Variants in EPO observed in about 807,000 individuals in gnomAD.
EPO encodes erythropoietin, also known as epoetin.
EPO carries 12 observed loss-of-function variants against 24.4 expected under a neutral mutation model. The ratio of observed to expected loss-of-function variants is 0.49; its 90% CI spans 0.32 to 0.80. The LOEUF (loss-of-function observed/expected upper bound fraction) is 0.80. EPO is among the 30% of genes least tolerant of loss of function. The pLI is 0.04. For missense variants in EPO, 210 were observed against 238.0 expected (o/e 0.88, Z 0.77); for synonymous variants, 107 against 104.0 (o/e 1.03, Z -0.18).
rs1045681510 is a variant in EPO at position 100,721,871 on chromosome 7, G to C, written c.160-91G>C. 8 of 1,532,726 alleles carry C rather than the reference G, an allele frequency of 5.2e-6. No homozygotes were observed. In the Admixed American group the frequency reaches 8.4e-5, roughly 16 times the overall value. The allele number at this position is 1,532,726 out of a possible 1,614,324, so 94.9% of individuals were successfully genotyped here. ...GGCCCCAAACCATACCTGGAAACTA[G>C]GCAAGGAGCAAAGCCAGCAGATCCT... is the stretch of plus-strand genomic sequence containing the variant. On this transcript the variant is annotated intron_variant, in intron 2 of 4. Transcript: ENST00000252723. This position sits in a 1 kb window ranked among gnomAD's most constrained non-coding sequence, Gnocchi z 4.0.
Position 100,721,902 on chromosome 7 carries a change from C to T in EPO, c.160-60C>T. 1 of 1,567,906 alleles carries T rather than the reference C, an allele frequency of 6.4e-7. No homozygotes were observed. Among genetic ancestry groups the T allele is most frequent in the Non-Finnish European group, 8.6e-7 (1 of 1,158,942 alleles). ...GAGCAAAGCCAGCAGATCCTACGGCCTGTGGGCCAGGGCCAGAGCCTTCAG... is the reference window on the plus strand; with the variant it reads ...GAGCAAAGCCAGCAGATCCTACGGCTTGTGGGCCAGGGCCAGAGCCTTCAG... On this transcript the variant is annotated intron_variant, in intron 2 of 4. Transcript: ENST00000252723. This position sits in a 1 kb window ranked among gnomAD's most constrained non-coding sequence, Gnocchi z 4.0.
rs1419397684 is a variant in EPO, at chr7:100,721,577, G to A, written c.33G>A (p.Trp11Ter). The change falls in exon 2 of 5, where the codon TGG becomes TGA. Residue 11 changes from tryptophan (W) to a stop codon, truncating the protein, a stop_gained. Coordinates refer to ENST00000252723, the MANE Select transcript of EPO (RefSeq NM_000799.4). LOFTEE classifies it high-confidence loss of function. The surrounding 1 kb of genome is among the most constrained non-coding windows in gnomAD (Gnocchi z 4.0). ...TTCTAGAATGTCCTGCCTGGCTGTGGCTTCTCCTGTCCCTGCTGTCGCTCC... is the reference window on the plus strand; with the variant it reads ...TTCTAGAATGTCCTGCCTGGCTGTGACTTCTCCTGTCCCTGCTGTCGCTCC... MGVHECPAWL[W>*]LLLSLLSLPL... The A allele has an allele frequency of 6.2e-6, 10 of 1,613,950 alleles. No homozygotes were observed. The highest frequency in any genetic ancestry group is 8.5e-6 in the Non-Finnish European group (10 of 1,180,006).
intron 3 of EPO, among the ~76,000 whole-genome samples, chr7:100,722,271 A>T (rs1359363412): frequency 1.3e-5 from 2 of 151,906 alleles, no homozygotes; most frequent in African/African-American, 2.4e-5. Context: ...GCATAGTGAG[A>T]TCCCCCATCT....
In EPO at chr7:100,722,753, C is replaced by T. The variant is rs569327723; in HGVS notation, c.336C>T (p.Ser112=). ...GCCAGGCCCTGTTGGTCAACTCTTC[C>T]CAGCCGTGGGAGCCCCTGCAGCTGC... The part of the protein sequence containing the change: ...LRGQALLVNS[S]QPWEPLQLHV... The change falls in exon 4 of 5, where the codon TCC becomes TCT. Residue 112 remains serine (S), a synonymous_variant. Transcript: ENST00000252723. The T allele has an allele frequency of 6.2e-7, 1 of 1,613,944 alleles. No individual in the cohort carries two copies. Among genetic ancestry groups the T allele is most frequent in the East Asian group, 2.2e-5 (1 of 44,832 alleles).
Position 100,720,952 on chromosome 7 carries a change from T to C in EPO, c.-29T>C. On this transcript the variant is annotated 5_prime_UTR_variant, in exon 1 of 5. Transcript: ENST00000252723. ...GTGTGGTCACCCGGCGCGCCCCAGG[T>C]CGCTGAGGGACCCCGGCCAGGCGCG... is the stretch of plus-strand genomic sequence containing the variant. The C allele has an allele frequency of 6.4e-7, 1 of 1,555,366 alleles. No individual in the cohort carries two copies. The highest frequency in any genetic ancestry group is 8.7e-7 in the Non-Finnish European group (1 of 1,153,324).
Position 100,721,653 on chromosome 7 carries a change from C to T in EPO, c.109C>T (p.Arg37Ter). The T allele has an allele frequency of 2.5e-6, 4 of 1,613,438 alleles. No individual in the cohort carries two copies. Among genetic ancestry groups the T allele is most frequent in the South Asian group, 1.1e-5 (1 of 91,078 alleles). ...CCCACCACGCCTCATCTGTGACAGC[C>T]GAGTCCTGGAGAGGTACCTCTTGGA... ...GAPPRLICDS[R>*]VLERYLLEAK... The change falls in exon 2 of 5, where the codon CGA becomes TGA. Residue 37 changes from arginine (R) to a stop codon, truncating the protein, a stop_gained. Coordinates refer to ENST00000252723, the MANE Select transcript of EPO (RefSeq NM_000799.4). LOFTEE classifies it high-confidence loss of function. This position sits in a 1 kb window ranked among gnomAD's most constrained non-coding sequence, Gnocchi z 4.0.
In EPO at chr7:100,722,792, C is replaced by G; in HGVS notation, c.375C>G (p.Ala125=). The change falls in exon 4 of 5, where the codon GCC becomes GCG. Residue 125 remains alanine, a synonymous_variant. Coordinates refer to ENST00000252723, the MANE Select transcript of EPO (RefSeq NM_000799.4). ...CCCTGCAGCTGCATGTGGATAAAGC[C>G]GTCAGTGGCCTTCGCAGCCTCACCA... is the stretch of plus-strand genomic sequence containing the variant. ...WEPLQLHVDK[A]VSGLRSLTTL... 6.2e-7 allele frequency: 1 copy of G among 1,614,048 alleles called. No individual in the cohort carries two copies. Among genetic ancestry groups the G allele is most frequent in the South Asian group, 1.1e-5 (1 of 91,082 alleles).
intron 3 of EPO, 91 bp from the exon 4 acceptor site, chr7:100,722,573 C>T: frequency 9.6e-7 from 1 of 1,043,042 alleles, no homozygotes; most frequent in Non-Finnish European, 1.4e-6. Flanking sequence ...TGCATACCTT[C>T]TGTTTGCTCA....
intron 3 of EPO, 74 bp downstream of exon 3, chr7:100,722,122 A>G (rs957110791): frequency 7.4e-7 from 1 of 1,355,488 alleles, no homozygotes; most frequent in South Asian, 1.4e-5. Context: ...GATGAAAGGG[A>G]GAATGATCGA....
chr7:100,720,713 A>T lies in EPO; in HGVS notation c.-268A>T. The T allele has an allele frequency of 3.4e-6, 1 of 293,674 alleles. No individual in the cohort carries two copies. Among genetic ancestry groups the T allele is most frequent in the East Asian group, 5.8e-5 (1 of 17,176 alleles). The allele number at this position is 293,674 out of a possible 1,614,324, so 18.2% of individuals were successfully genotyped here. A position where few individuals can be genotyped will look rare whatever the true frequency, so the allele number is the denominator to read the frequency against. ...CCCCCACCCGCGCACGCACACATGCAGATAACAGCCCCGACCCCCGGCCAG... is the reference window on the plus strand; with the variant it reads ...CCCCCACCCGCGCACGCACACATGCTGATAACAGCCCCGACCCCCGGCCAG... On this transcript the variant is annotated 5_prime_UTR_variant, in exon 1 of 5. Coordinates refer to ENST00000252723, the MANE Select transcript of EPO (RefSeq NM_000799.4).
Position 100,723,163 on chromosome 7 carries a change from A to G in EPO, c.*30A>G, listed in dbSNP as rs189775061. 2,123 of 1,584,892 alleles carry G rather than the reference A, an allele frequency of 1.3e-3. 41 individuals are homozygous for G. The African/African-American group carries it at 0.025, about 19-fold the overall frequency. ...GTGTGTCCACCTGGGCATATCCACC[A>G]CCTCCCTCACCAACATTGCTTGTGC... On this transcript the variant is annotated 3_prime_UTR_variant, in exon 5 of 5. Coordinates refer to ENST00000252723, the MANE Select transcript of EPO (RefSeq NM_000799.4).
Position 100,723,082 on chromosome 7 carries a change from G to A in EPO, c.531G>A (p.Arg177=). The A allele has an allele frequency of 3.1e-6, 5 of 1,614,102 alleles. No individual in the cohort carries two copies. Among genetic ancestry groups the A allele is most frequent in the Middle Eastern group, 3.3e-4 (2 of 6,062 alleles). ...TCCGAGTCTACTCCAATTTCCTCCG[G>A]GGAAAGCTGAAGCTGTACACAGGGG... The part of the protein sequence containing the change: ...KLFRVYSNFL[R]GKLKLYTGEA... The change falls in exon 5 of 5, where the codon CGG becomes CGA. Residue 177 remains arginine, a synonymous_variant. Coordinates refer to ENST00000252723, the MANE Select transcript of EPO (RefSeq NM_000799.4).
chr7:100,721,789 G>T lies in EPO; in HGVS notation c.159+86G>T. ...CCCAGATCCAGGAACCTGGCACTTGGTTTGGGGTGGAGTTGGGAAGCTAGA... is the reference window on the plus strand; with the variant it reads ...CCCAGATCCAGGAACCTGGCACTTGTTTTGGGGTGGAGTTGGGAAGCTAGA... On this transcript the variant is annotated intron_variant, in intron 2 of 4. Transcript: ENST00000252723. This position sits in a 1 kb window ranked among gnomAD's most constrained non-coding sequence, Gnocchi z 4.0. The T allele has an allele frequency of 1.3e-6, 2 of 1,540,884 alleles. No individual in the cohort carries two copies. The highest frequency in any genetic ancestry group is 1.7e-6 in the Non-Finnish European group (2 of 1,148,196).
In EPO at chr7:100,720,986, G is replaced by A. The variant is rs776099080; in HGVS notation, c.6G>A (p.Gly2=). The change falls in exon 1 of 5, where the codon GGG becomes GGA. Residue 2 remains glycine (G), a synonymous_variant. Coordinates refer to ENST00000252723, the MANE Select transcript of EPO (RefSeq NM_000799.4). ...GACCCCGGCCAGGCGCGGAGATGGG[G>A]GTGCACGGTGAGTACTCGCGGGCTG... M[G]VHECPAWLWL... The A allele has an allele frequency of 2.0e-5, 32 of 1,579,652 alleles. No individual in the cohort carries two copies. The South Asian group carries it at 3.3e-4, about 16-fold the overall frequency.
At position 100,721,081 on chromosome 7, in the gene EPO, C is replaced by G; in HGVS notation, c.13+88C>G. 2.1e-6 allele frequency: 3 copies of G among 1,417,792 alleles called. No homozygotes were observed. The highest frequency in any genetic ancestry group is 2.8e-6 in the Non-Finnish European group (3 of 1,075,438). The allele number at this position is 1,417,792 out of a possible 1,614,324, so 87.8% of individuals were successfully genotyped here. On this transcript the variant is annotated intron_variant, in intron 1 of 4. Transcript: ENST00000252723. The surrounding 1 kb of genome is among the most constrained non-coding windows in gnomAD (Gnocchi z 4.0). ...GCCCCGGCTATTGGCCAGGAGGTGG[C>G]TGGGTTCAAGGACCGGCGACTTGTC... is the stretch of plus-strand genomic sequence containing the variant.
chr7:100,721,446 T>C lies in EPO; in HGVS notation c.14-112T>C, dbSNP rs1263401970. 3 of 1,423,326 alleles carry C rather than the reference T, an allele frequency of 2.1e-6. No homozygotes were observed. The East Asian group carries it at 7.0e-5, about 33-fold the overall frequency. 88.2% of individuals were successfully genotyped at this position (1,423,326 alleles called of 1,614,324 possible). A position where few individuals can be genotyped will look rare whatever the true frequency, so the allele number is the denominator to read the frequency against. On this transcript the variant is annotated intron_variant, in intron 1 of 4. Transcript: ENST00000252723. The surrounding 1 kb of genome is among the most constrained non-coding windows in gnomAD (Gnocchi z 4.0). ...AGGCAGCACCTGAGTGCTTGCATGGTTGGGGACAGGAAGGACGAGCTGGGG... is the reference window on the plus strand; with the variant it reads ...AGGCAGCACCTGAGTGCTTGCATGGCTGGGGACAGGAAGGACGAGCTGGGG...
At position 100,722,661 on chromosome 7, in the gene EPO, T is replaced by C; in HGVS notation, c.247-3T>C. 5.0e-6 allele frequency: 8 copies of C among 1,587,238 alleles called. No individual in the cohort carries two copies. Among genetic ancestry groups the C allele is most frequent in the Non-Finnish European group, 6.8e-6 (8 of 1,171,696 alleles). ...GCTGACTCCCAGAGTCCACTCCCTG[T>C]AGGTCGGGCAGCAGGCCGTAGAAGT... On this transcript the variant is annotated splice_polypyrimidine_tract_variant and splice_region_variant and intron_variant, in intron 3 of 4. Coordinates refer to ENST00000252723, the MANE Select transcript of EPO (RefSeq NM_000799.4).
rs761633990 is a variant in EPO at position 100,722,703 on chromosome 7, C to G, written c.286C>G (p.Leu96Val). 3.7e-6 allele frequency: 6 copies of G among 1,610,996 alleles called. No homozygotes were observed. Among genetic ancestry groups the G allele is most frequent in the South Asian group, 1.1e-5 (1 of 90,848 alleles). Reference sequence around the variant, plus strand: ...CGTAGAAGTCTGGCAGGGCCTGGCCCTGCTGTCGGAAGCTGTCCTGCGGGG... The same window carrying G: ...CGTAGAAGTCTGGCAGGGCCTGGCCGTGCTGTCGGAAGCTGTCCTGCGGGG... Reference protein sequence around the residue: ...QAVEVWQGLALLSEAVLRGQA... With the variant: ...QAVEVWQGLAVLSEAVLRGQA... The change falls in exon 4 of 5, where the codon CTG becomes GTG. Residue 96 changes from leucine to valine, a missense_variant. Leu to Val is a conservative substitution (Grantham distance 32, BLOSUM62 1). Coordinates refer to ENST00000252723, the MANE Select transcript of EPO (RefSeq NM_000799.4).
chr7:100,723,318 A>T lies in EPO; in HGVS notation c.*185A>T. 2 of 662,526 alleles carry T rather than the reference A, an allele frequency of 3.0e-6. No individual in the cohort carries two copies. The highest frequency in any genetic ancestry group is 4.9e-6 in the Non-Finnish European group (2 of 406,190). 41.0% of individuals were successfully genotyped at this position (662,526 alleles called of 1,614,324 possible). A position where few individuals can be genotyped will look rare whatever the true frequency, so the allele number is the denominator to read the frequency against. On this transcript the variant is annotated 3_prime_UTR_variant, in exon 5 of 5. Transcript: ENST00000252723. ...AGGAACTGTCCAGAGAGCAACTCTGAGATCTAAGGATGTCACAGGGCCAAC... is the reference window on the plus strand; with the variant it reads ...AGGAACTGTCCAGAGAGCAACTCTGTGATCTAAGGATGTCACAGGGCCAAC...
Sources: gnomAD v4.1 joint callset for allele counts (sites outside exome capture counted in the v4.1 genomes callset) on GRCh38, gnomAD v4.1.1 for gene constraint, Gnocchi (gnomAD v3.1) non-coding constraint, MANE v1.5 for transcripts, NCBI Gene and HGNC (gene_info 2026-07-23, HGNC 2026-07-21) for gene names.